Variants in SAMD5 observed in about 807,000 individuals in gnomAD.
SAMD5 encodes the protein sterile alpha motif domain containing 5, also known as sterile alpha motif domain-containing protein 5.
A neutral mutation model predicts 11.3 loss-of-function variants in SAMD5; 13 were observed. The ratio of observed to expected loss-of-function variants is 1.15; its 90% CI spans 0.75 to 1.83. The LOEUF (loss-of-function observed/expected upper bound fraction) is 1.83, where lower values mean the gene tolerates loss of function less well. SAMD5 is among the 40% of genes most tolerant of loss of function. SAMD5 has a pLI of 0.00. For missense variants in SAMD5, 255 were observed against 239.1 expected (o/e 1.07, Z -0.44); for synonymous variants, 129 against 111.3 (o/e 1.16, Z -1.00).
the SAMD5 span, among the ~76,000 whole-genome samples, chr6:147,805,867 G>A: frequency 5.9e-5 from 9 of 152,276 alleles, no homozygotes; most frequent in African/African-American, 1.4e-4. Context: ...ATGGGAGGAG[G>A]TAAGAGATAT....
chr6:147,875,544 C>A, the SAMD5 span, among the ~76,000 whole-genome samples: 1 of 152,136 alleles, frequency 6.6e-6, no homozygotes, highest in Non-Finnish European at 1.5e-5. Context: ...TCCCCTAGAA[C>A]AGGGGTCCCC....
intron 1 of SAMD5, among the ~76,000 whole-genome samples, chr6:147,709,420 A>G (rs1335677265): frequency 1.3e-5 from 2 of 152,226 alleles, no homozygotes; most frequent in Admixed American, 6.5e-5. Context: ...TTTGTGAACT[A>G]TTCTCCCTCT....
At chr6:147,870,482 G>GTATATA in the SAMD5 span, among the ~76,000 whole-genome samples, 2 of 135,258 alleles carry the variant, frequency 1.5e-5, no homozygotes, top group Non-Finnish European at 3.1e-5. Context: ...GTGTGTGTGT[G>GTATATA]TATATATATA....
chr6:147,922,141 A>G, the SAMD5 span, among the ~76,000 whole-genome samples: 5 of 152,202 alleles, frequency 3.3e-5, no homozygotes, highest in East Asian at 9.7e-4. Context: ...TCCCGCTCTG[A>G]GTCCCCAGGG....
chr6:147,933,099 T>C, the SAMD5 span, among the ~76,000 whole-genome samples: 2 of 152,190 alleles, frequency 1.3e-5, no homozygotes, highest in African/African-American at 2.4e-5. Flanking sequence ...TCCTTTCCAA[T>C]AGTATGGATA....
chr6:147,952,560 G>T, the SAMD5 span, among the ~76,000 whole-genome samples: 1 of 152,170 alleles, frequency 6.6e-6, no homozygotes, highest in Admixed American at 6.5e-5. Flanking sequence ...ACCCAGGCTG[G>T]AGTGCAGAGA....
the SAMD5 span, among the ~76,000 whole-genome samples, chr6:147,755,244 T>A: frequency 6.6e-6 from 1 of 152,128 alleles, no homozygotes; most frequent in African/African-American, 2.4e-5. Flanking sequence ...TCACCGGTGT[T>A]TTATGGTTTT....
chr6:147,588,571 C>T (rs991265365), intron 1 of SAMD5, among the ~76,000 whole-genome samples: 1 of 152,012 alleles, frequency 6.6e-6, no homozygotes, highest in Admixed American at 6.6e-5. Flanking sequence ...GGTGATCTGC[C>T]TGCCTCAGCC....
chr6:147,721,514 T>C (rs1030838891), intron 1 of SAMD5, among the ~76,000 whole-genome samples: 77 of 152,356 alleles, frequency 5.1e-4, no homozygotes, highest in Non-Finnish European at 8.7e-4. Context: ...GAAGTGTCTG[T>C]TCATATCCTT....
chr6:147,909,621 T>TTTC, the SAMD5 span, among the ~76,000 whole-genome samples: 82 of 64,282 alleles, frequency 1.3e-3, 5 homozygotes, highest in African/African-American at 7.0e-3. Flanking sequence ...TCTTTCTTTC[T>TTTC]TTCTTTCTTT....
intron 1 of SAMD5, among the ~76,000 whole-genome samples, chr6:147,616,150 T>TTATTCATATATATTTCATATA (rs1384104078): frequency 6.3e-4 from 87 of 137,126 alleles, no homozygotes; most frequent in Non-Finnish European, 1.1e-3. Flanking sequence ...TCATATATAT[T>TTATTCATATATATTTCATATA]TATTCATATA....
the SAMD5 span, among the ~76,000 whole-genome samples, chr6:147,847,534 T>A: frequency 1.3e-5 from 2 of 152,130 alleles, no homozygotes; most frequent in Non-Finnish European, 2.9e-5. Context: ...AAACTCTCCT[T>A]GCAAGAAAAA....
At chr6:147,721,907 A>G (rs905289581) in intron 1 of SAMD5, among the ~76,000 whole-genome samples, 1 of 152,228 alleles carries the variant, frequency 6.6e-6, no homozygotes, top group African/African-American at 2.4e-5. Flanking sequence ...CCATTAAAAA[A>G]CATATATGAA....
the SAMD5 span, among the ~76,000 whole-genome samples, chr6:147,779,023 C>G: frequency 1.7e-4 from 26 of 150,050 alleles, 1 homozygote; most frequent in Non-Finnish European, 2.4e-4. Context: ...CCTACCTCAT[C>G]ATGTGACCAA....
At chr6:147,658,377 TTGCC>T (rs752903193) in intron 1 of SAMD5, among the ~76,000 whole-genome samples, 1,771 of 152,310 alleles carry the variant, frequency 0.012, 15 homozygotes, top group Middle Eastern at 0.017. Flanking sequence ...TTGTGTCTTT[TTGCC>T]CTTTGAATCT....
chr6:147,730,189 C>A (rs967545732), intron 1 of SAMD5: 6 of 401,554 alleles, frequency 1.5e-5, no homozygotes, highest in Non-Finnish European at 2.4e-5. Flanking sequence ...TGGGGGCATG[C>A]CTTTGGCTTT....
the SAMD5 span, among the ~76,000 whole-genome samples, chr6:147,750,230 A>G: frequency 1.3e-5 from 2 of 152,236 alleles, no homozygotes; most frequent in Non-Finnish European, 2.9e-5. Context: ...GTCAACATGC[A>G]TAAATAGCAT....
intron 1 of SAMD5, among the ~76,000 whole-genome samples, chr6:147,591,540 G>A (rs1049534686): frequency 5.3e-5 from 8 of 152,134 alleles, no homozygotes; most frequent in Non-Finnish European, 1.0e-4. Flanking sequence ...GCTGGAATAT[G>A]TGACACTTTA....
At chr6:147,902,418 C>A in the SAMD5 span, among the ~76,000 whole-genome samples, 7 of 151,792 alleles carry the variant, frequency 4.6e-5, no homozygotes, top group Non-Finnish European at 1.5e-5. Context: ...ATTTGCATAT[C>A]CTTGTGCTCC....
Sources: gnomAD v4.1 joint callset for allele counts (sites outside exome capture counted in the v4.1 genomes callset) on GRCh38, gnomAD v4.1.1 for gene constraint, MANE v1.5 for transcripts, NCBI Gene and HGNC (gene_info 2026-07-23, HGNC 2026-07-21) for gene names.